The following MAD1L1 variants were observed in gnomAD, a reference collection of about 807,000 sequenced individuals.
MAD1L1 encodes the protein mitotic arrest deficient 1 like 1.
Under a neutral mutation model 96.9 loss-of-function variants are expected in MAD1L1, and 95 were observed. The ratio of observed to expected loss-of-function variants is 0.98; its 90% confidence interval spans 0.83 to 1.16. The LOEUF is 1.16. MAD1L1 is among the 50% of genes most tolerant of loss of function. The probability of loss-of-function intolerance (pLI) is 0.00; values close to 1 mark genes in which losing one functional copy is unlikely to be tolerated. For synonymous variants in MAD1L1, 473 were observed against 396.6 expected, an observed-to-expected ratio of 1.19 and a Z score of -2.29; for missense variants, 1,007 against 954.4, an observed-to-expected ratio of 1.06 and a Z score of -0.73.
At chr7:2,034,403 G>A (rs1783372280) in intron 12 of MAD1L1, among the ~76,000 whole-genome samples, 1 of 152,028 alleles carries the variant, frequency 6.6e-6, no homozygotes, top group African/African-American at 2.4e-5. Flanking sequence ...TTTTAGTAGA[G>A]ACGGGGTTTC....
chr7:2,042,975 G>A (rs572363580), intron 12 of MAD1L1, among the ~76,000 whole-genome samples: 5 of 152,266 alleles, frequency 3.3e-5, no homozygotes, highest in East Asian at 1.9e-4. Context: ...GGCCGACCCC[G>A]TGAAGCTGAA....
In MAD1L1 at chr7:2,125,598, G is replaced by A. The variant is rs554398343; in HGVS notation, c.1073+23554C>T. On this transcript the variant is annotated intron_variant, in intron 11 of 18. Transcript: ENST00000265854. The stretch of plus-strand genomic sequence containing the variant: ...CTAGCTACAACCCCCACCAGGTGAG[G>A]CAGCACCTCACCGGCAGGAGGCTGG... Among the ~76,000 whole-genome samples the A allele has an allele frequency of 2.6e-5, 4 of 152,314 alleles. No individual in the cohort carries two copies. In the South Asian group the frequency reaches 8.3e-4, roughly 32 times the overall value.
At chr7:1,973,606 CA>C (rs1446536264) in intron 15 of MAD1L1, among the ~76,000 whole-genome samples, 1 of 152,184 alleles carries the variant, frequency 6.6e-6, no homozygotes, top group Admixed American at 6.5e-5. Flanking sequence ...GGACCACAGA[CA>C]GGGGGGTGCG....
intron 17 of MAD1L1, among the ~76,000 whole-genome samples, chr7:1,910,881 A>T (rs751421605): frequency 1.3e-5 from 2 of 152,206 alleles, no homozygotes; most frequent in South Asian, 4.1e-4. Flanking sequence ...CTGTGACGCC[A>T]GTCAGGCGGG....
At chr7:2,024,143 T>C (rs923602144) in intron 12 of MAD1L1, among the ~76,000 whole-genome samples, 1 of 151,272 alleles carries the variant, frequency 6.6e-6, no homozygotes, top group African/African-American at 2.4e-5. Flanking sequence ...AGACACAAAT[T>C]ACTAACATCA....
intron 10 of MAD1L1, among the ~76,000 whole-genome samples, chr7:2,187,443 G>A (rs1791513787): frequency 6.6e-6 from 1 of 152,124 alleles, no homozygotes; most frequent in Admixed American, 6.6e-5. Context: ...GCACTGATGG[G>A]TATAACACGT....
intron 18 of MAD1L1, among the ~76,000 whole-genome samples, chr7:1,893,152 C>T (rs1009861554): frequency 9.2e-5 from 14 of 152,172 alleles, no homozygotes; most frequent in Admixed American, 6.5e-4. Flanking sequence ...AGCAGGTTCC[C>T]GCTGGGAAGA....
Position 1,911,428 on chromosome 7 carries a change from C to T in MAD1L1, c.1808-13038G>A, listed in dbSNP as rs371986896. On this transcript the variant is annotated intron_variant, in intron 17 of 18. Transcript: ENST00000265854. Reference sequence around the variant, plus strand: ...TCAGAGCCCAGCTTCGGAAGGGAAGCGCCATTGCCCAGCACAGTCACTCGT... The same window carrying T: ...TCAGAGCCCAGCTTCGGAAGGGAAGTGCCATTGCCCAGCACAGTCACTCGT... 4.6e-5 allele frequency among the ~76,000 whole-genome samples: 7 copies of T among 152,332 alleles called. No homozygotes were observed. In the East Asian group the frequency reaches 7.7e-4, roughly 17 times the overall value.
intron 12 of MAD1L1, among the ~76,000 whole-genome samples, chr7:2,032,278 G>C (rs1185357073): frequency 6.6e-6 from 1 of 152,218 alleles, no homozygotes; most frequent in Non-Finnish European, 1.5e-5. Flanking sequence ...GCAGGCTGGA[G>C]TCCTCCCTTT....
At chr7:2,144,362 C>G (rs1454732416) in intron 11 of MAD1L1, among the ~76,000 whole-genome samples, 1 of 152,214 alleles carries the variant, frequency 6.6e-6, no homozygotes, top group Non-Finnish European at 1.5e-5. Context: ...ACACCTGAAC[C>G]CTGGAGCCCT....
chr7:2,077,159 G>A (rs1323226255), intron 11 of MAD1L1, among the ~76,000 whole-genome samples: 2 of 152,230 alleles, frequency 1.3e-5, no homozygotes, highest in Non-Finnish European at 2.9e-5. Context: ...GAGCCTGCCA[G>A]TGGCCTCAAG....
At chr7:1,894,261 G>A (rs2128439751) in intron 18 of MAD1L1, among the ~76,000 whole-genome samples, 1 of 152,350 alleles carries the variant, frequency 6.6e-6, no homozygotes, top group African/African-American at 2.4e-5. Flanking sequence ...GAGGCCAACG[G>A]CCTCACCCAG....
chr7:2,228,100 C>G (rs1234817414), intron 3 of MAD1L1, among the ~76,000 whole-genome samples: 1 of 152,112 alleles, frequency 6.6e-6, no homozygotes, highest in Non-Finnish European at 1.5e-5. Flanking sequence ...TTGCCGCCAT[C>G]ACTCCGCTCA....
chr7:2,180,067 T>C (rs1791128001), intron 10 of MAD1L1, among the ~76,000 whole-genome samples: 1 of 152,162 alleles, frequency 6.6e-6, no homozygotes, highest in Admixed American at 6.5e-5. Flanking sequence ...AATGAGTCTG[T>C]CAACCACTTC....
intron 17 of MAD1L1, among the ~76,000 whole-genome samples, chr7:1,932,833 A>G (rs111840684): frequency 8.7e-4 from 133 of 152,358 alleles, no homozygotes; most frequent in Admixed American, 3.1e-3. Flanking sequence ...TTGTTCAGAC[A>G]GTGGGCTGTA....
intron 18 of MAD1L1, chr7:1,850,081 C>T (rs1192795966): frequency 6.6e-6 from 1 of 152,202 alleles, no homozygotes; most frequent in Non-Finnish European, 1.5e-5. Flanking sequence ...TCCGGAACAG[C>T]TCTGTGAGGC....
At chr7:2,027,038 T>C (rs1783023780) in intron 12 of MAD1L1, among the ~76,000 whole-genome samples, 1 of 151,830 alleles carries the variant, frequency 6.6e-6, no homozygotes, top group African/African-American at 2.4e-5. Context: ...GAAAAAGACA[T>C]AACTAGAGAT....
intron 18 of MAD1L1, among the ~76,000 whole-genome samples, chr7:1,895,556 C>A (rs1786813566): frequency 6.6e-6 from 1 of 152,264 alleles, no homozygotes; most frequent in Admixed American, 6.5e-5. Context: ...AAACACAGTG[C>A]ATGTCACACA....
intron 15 of MAD1L1, among the ~76,000 whole-genome samples, chr7:1,965,390 G>A (rs1436346090): frequency 6.6e-6 from 1 of 152,226 alleles, no homozygotes; most frequent in Admixed American, 6.5e-5. Flanking sequence ...GGGCTACAAT[G>A]CCTGGACACG....
Sources: gnomAD v4.1 joint callset for allele counts (sites outside exome capture counted in the v4.1 genomes callset) on GRCh38, gnomAD v4.1.1 for gene constraint, MANE v1.5 for transcripts, NCBI Gene and HGNC (gene_info 2026-07-23, HGNC 2026-07-21) for gene names.